USP34: variants seen among roughly 807,000 people sequenced by gnomAD.
USP34 encodes ubiquitin specific peptidase 34, also known as ubiquitin carboxyl-terminal hydrolase 34.
Under a neutral mutation model 460.3 loss-of-function variants are expected in USP34, and 70 were observed. The ratio of observed to expected loss-of-function variants is 0.15; its 90% CI spans 0.13 to 0.19. The LOEUF (loss-of-function observed/expected upper bound fraction) is 0.19, where lower values mean the gene tolerates loss of function less well. USP34 is among the 10% of genes least tolerant of loss of function. The pLI is 1.00. For synonymous variants in USP34, 1,647 were observed against 1,405.3 expected, an observed-to-expected ratio of 1.17 and a Z score of -3.85; for missense variants, 3,985 against 4,236.2, an observed-to-expected ratio of 0.94 and a Z score of 1.65.
intron 10 of USP34, among the ~76,000 whole-genome samples, chr2:61,358,968 A>C (rs909597467): frequency 3.3e-5 from 5 of 152,322 alleles, no homozygotes; most frequent in Admixed American, 3.3e-4. Flanking sequence ...AAAAACCTAA[A>C]TAAAGACAAA....
intron 2 of USP34, among the ~76,000 whole-genome samples, chr2:61,420,215 A>T (rs1004554971): frequency 6.6e-6 from 1 of 152,224 alleles, no homozygotes; most frequent in Non-Finnish European, 1.5e-5. Context: ...AGGGAAAAAA[A>T]TTATTAGCAA....
chr2:61,209,693 C>T (rs1236100806), intron 69 of USP34, among the ~76,000 whole-genome samples: 1 of 152,174 alleles, frequency 6.6e-6, no homozygotes, highest in Non-Finnish European at 1.5e-5. Context: ...ACTATATTAT[C>T]ATTATTTTAC....
chr2:61,265,886 A>G, intron 42 of USP34, 98 bp downstream of exon 42: 1 of 1,132,292 alleles, frequency 8.8e-7, no homozygotes, highest in Non-Finnish European at 1.2e-6. Context: ...ATAATGTTAA[A>G]GTGTGTGAAG....
intron 1 of USP34, 30 bp from the exon 2 acceptor site, chr2:61,420,863 GAAT>G (rs770274626): frequency 2.3e-5 from 36 of 1,541,664 alleles, no homozygotes; most frequent in Non-Finnish European, 3.2e-5. Context: ...TTAAAATTAT[GAAT>G]AATGCTAAAC....
At chr2:61,433,917 G>C (rs1331954612) in intron 1 of USP34, among the ~76,000 whole-genome samples, 1 of 152,158 alleles carries the variant, frequency 6.6e-6, no homozygotes, top group Non-Finnish European at 1.5e-5. Context: ...ACAGGTGAAT[G>C]AATGCCACAA....
At chr2:61,228,474 A>G (rs1687794477) in intron 61 of USP34, among the ~76,000 whole-genome samples, 171 bp downstream of exon 61, 1 of 152,190 alleles carries the variant, frequency 6.6e-6, no homozygotes, top group African/African-American at 2.4e-5. Context: ...CTTTCTTGCT[A>G]TATCCATTAA....
chr2:61,209,351 A>G (rs1174637565), intron 69 of USP34, among the ~76,000 whole-genome samples: 2 of 152,264 alleles, frequency 1.3e-5, no homozygotes, highest in South Asian at 2.1e-4. Flanking sequence ...TAATTAAAAA[A>G]GAGTAACATG....
intron 1 of USP34, among the ~76,000 whole-genome samples, chr2:61,454,701 C>T (rs1408272441): frequency 6.6e-6 from 1 of 151,678 alleles, no homozygotes; most frequent in African/African-American, 2.4e-5. Context: ...AGGGGCCCAC[C>T]ACCACACCCA....
chr2:61,200,144 TG>T (rs1335810624), intron 75 of USP34: 1 of 152,366 alleles, frequency 6.6e-6, no homozygotes, highest in Non-Finnish European at 1.5e-5. Context: ...TTTGACTTCC[TG>T]GGCTAAAGTG....
In USP34 at chr2:61,380,205, A is replaced by C. The variant is rs1353598859; in HGVS notation, c.978T>G (p.Thr326=). The C allele has an allele frequency of 6.2e-7, 1 of 1,613,912 alleles. No individual in the cohort carries two copies. Among genetic ancestry groups the C allele is most frequent in the Non-Finnish European group, 8.5e-7 (1 of 1,179,946 alleles). Residue 326 remains threonine (T), a synonymous_variant, in exon 7 of 80, where the codon ACT becomes ACG. Transcript: ENST00000398571. ...DLAFKYFMSP[T]LTMRLAGLSQ... is the part of the protein sequence containing the mutation. ...TCAATCCAGCCAACCTCATAGTCAA[A>C]GTAGGTGACATAAAGTACTTAAATG...
chr2:61,385,987 ACT>A (rs1693131979), intron 5 of USP34, among the ~76,000 whole-genome samples: 5 of 133,596 alleles, frequency 3.7e-5, no homozygotes, highest in Admixed American at 3.4e-4. Context: ...ACAAAGTGAG[ACT>A]CTGTCTCCAA....
chr2:61,369,242 A>C (rs745963402), intron 10 of USP34, among the ~76,000 whole-genome samples: 9 of 152,212 alleles, frequency 5.9e-5, no homozygotes, highest in Non-Finnish European at 1.0e-4. Context: ...TAACCTAGTA[A>C]TTCTAATTCT....
intron 16 of USP34, among the ~76,000 whole-genome samples, chr2:61,341,483 T>A (rs892034958): frequency 6.6e-6 from 1 of 152,186 alleles, no homozygotes; most frequent in Non-Finnish European, 1.5e-5. Flanking sequence ...AGATCCCTCA[T>A]GAATGTCTTC....
chr2:61,214,405 C>A lies in USP34; in HGVS notation c.8337G>T (p.Leu2779Phe), dbSNP rs974846344. 6.2e-7 allele frequency: 1 copy of A among 1,614,140 alleles called. No homozygotes were observed. The highest frequency in any genetic ancestry group is 2.2e-5 in the East Asian group (1 of 44,890). Residue 2779 changes from leucine (L) to phenylalanine (F), a missense_variant, in exon 68 of 80, where the codon TTG (leucine) becomes TTT (phenylalanine). Leu to Phe is a conservative substitution (Grantham distance 22, BLOSUM62 0). This residue lies in a region of USP34 where 604 missense variants were observed against 684.8 expected (regional missense o/e 0.88). Coordinates refer to ENST00000398571, the MANE Select transcript of USP34 (RefSeq NM_014709.4). ...KLMFSTYFMDLWNLFQPKLSE... is the reference protein window; with the variant it reads ...KLMFSTYFMDFWNLFQPKLSE... ...AAAGTTTAGGCTGGAAAAGGTTCCA[C>A]AAATCCATGAAATATGTGGAAAACA... is the stretch of plus-strand genomic sequence containing the variant.
chr2:61,234,699 G>C (rs948327884), intron 57 of USP34, among the ~76,000 whole-genome samples: 3 of 152,132 alleles, frequency 2.0e-5, no homozygotes, highest in African/African-American at 7.2e-5. Context: ...GGAGTGCAGT[G>C]GTGTGATCTC....
At chr2:61,423,306 T>C (rs1694415962) in intron 1 of USP34, among the ~76,000 whole-genome samples, 1 of 152,070 alleles carries the variant, frequency 6.6e-6, no homozygotes, top group South Asian at 2.1e-4. Flanking sequence ...GAGAGGGAGT[T>C]TCACCATGAT....
In USP34 at chr2:61,281,238, G is replaced by A. The variant is rs748843206; in HGVS notation, c.5003C>T (p.Ala1668Val). 2.2e-5 allele frequency: 35 copies of A among 1,610,676 alleles called. No individual in the cohort carries two copies. The highest frequency in any genetic ancestry group is 2.8e-5 in the Non-Finnish European group (33 of 1,178,618). ...ACCACTGCATGATTCATGACGAACTGCAGTCTAGATGAAAAAGAAAGTTCC... is the reference window on the plus strand; with the variant it reads ...ACCACTGCATGATTCATGACGAACTACAGTCTAGATGAAAAAGAAAGTTCC... Reference protein sequence around the residue: ...KKLTLLIPETAVRHESCSGLY... With the variant: ...KKLTLLIPETVVRHESCSGLY... The change falls in exon 38 of 80, where the codon GCA becomes GTA. Residue 1668 changes from alanine to valine, a missense_variant. Around this residue, in one of 14 missense-constraint regions of USP34, gnomAD observed 1,114 missense variants for 1,122.5 expected, o/e 0.99. Coordinates refer to ENST00000398571, the MANE Select transcript of USP34 (RefSeq NM_014709.4).
chr2:61,299,419 T>C (rs984611310), intron 29 of USP34, among the ~76,000 whole-genome samples: 9 of 152,198 alleles, frequency 5.9e-5, no homozygotes, highest in South Asian at 2.1e-4. Flanking sequence ...GGATTGAATA[T>C]GGCTCCTTTA....
chr2:61,209,945 G>GA (rs1280429546), intron 69 of USP34, among the ~76,000 whole-genome samples: 1 of 151,322 alleles, frequency 6.6e-6, no homozygotes, highest in African/African-American at 2.4e-5. Context: ...CATTTAAAAA[G>GA]AAAAAAAATT....
Sources: gnomAD v4.1 joint callset for allele counts (sites outside exome capture counted in the v4.1 genomes callset) on GRCh38, gnomAD v4.1.1 for gene constraint, gnomAD v4.1.1 regional missense constraint, MANE v1.5 for transcripts, NCBI Gene and HGNC (gene_info 2026-07-23, HGNC 2026-07-21) for gene names.